The following HCRTR2 variants were observed in gnomAD, a reference collection of about 807,000 sequenced individuals.
HCRTR2 encodes hypocretin receptor 2, also known as orexin receptor type 2.
HCRTR2 carries 22 observed loss-of-function variants against 49.0 expected under a neutral mutation model. That is an observed-to-expected ratio of 0.45 (90% CI 0.32 to 0.64). HCRTR2 has a LOEUF of 0.64. HCRTR2 is among the 30% of genes least tolerant of loss of function. The probability of loss-of-function intolerance (pLI) is 0.04; values close to 1 mark genes in which losing one functional copy is unlikely to be tolerated. For synonymous variants in HCRTR2, 236 were observed against 205.3 expected, an observed-to-expected ratio of 1.15 and a Z score of -1.28; for missense variants, 491 against 559.4, an observed-to-expected ratio of 0.88 and a Z score of 1.23.
intron 4 of HCRTR2, among the ~76,000 whole-genome samples, chr6:55,268,933 A>G (rs1389070412): frequency 6.6e-6 from 1 of 151,848 alleles, no homozygotes; most frequent in Non-Finnish European, 1.5e-5. Context: ...TACTAAAGAT[A>G]CAAAAAATTA....
At chr6:55,168,653 C>A (rs1242834276) in intron 1 of HCRTR2, among the ~76,000 whole-genome samples, 2 of 152,094 alleles carry the variant, frequency 1.3e-5, no homozygotes, top group Non-Finnish European at 2.9e-5. Context: ...GCAGCCTCAA[C>A]CTCCTGAGTT....
At chr6:55,276,927 C>A (rs922502997) in intron 4 of HCRTR2, among the ~76,000 whole-genome samples, 6 of 152,168 alleles carry the variant, frequency 3.9e-5, no homozygotes, top group Non-Finnish European at 1.5e-5. Context: ...TAAGTTCTAT[C>A]TCTCTGGCAG....
At chr6:55,127,239 A>C (rs895430861) in intron 1 of HCRTR2, among the ~76,000 whole-genome samples, 1 of 152,132 alleles carries the variant, frequency 6.6e-6, no homozygotes, top group African/African-American at 2.4e-5. Flanking sequence ...GCAGGTTGTG[A>C]AAACCATGGG....
At chr6:55,234,571 T>G (rs1316126709) in intron 1 of HCRTR2, among the ~76,000 whole-genome samples, 1 of 152,136 alleles carries the variant, frequency 6.6e-6, no homozygotes, top group Non-Finnish European at 1.5e-5. Context: ...AAAACTTCTG[T>G]AAGATAATGA....
In HCRTR2 at chr6:55,280,566, ATT is replaced by A; in HGVS notation, c.1105+124_1105+125del. The A allele has an allele frequency of 5.3e-6, 7 of 1,330,612 alleles. No individual in the cohort carries two copies. The South Asian group carries it at 6.2e-5, about 12-fold the overall frequency. 82.4% of individuals were successfully genotyped at this position (1,330,612 alleles called of 1,614,324 possible). A position where few individuals can be genotyped will look rare whatever the true frequency, so the allele number is the denominator to read the frequency against. ...TGAGTTGTATTTTTTCCCTGACCTGATTTATCTTGAGTTTCTTCTCTTTTGAG... is the reference window on the plus strand; with the variant it reads ...TGAGTTGTATTTTTTCCCTGACCTGATATCTTGAGTTTCTTCTCTTTTGAG... On this transcript the variant is annotated intron_variant, in intron 6 of 6. Transcript: ENST00000370862.
intron 1 of HCRTR2, among the ~76,000 whole-genome samples, chr6:55,182,717 C>T (rs989731374): frequency 5.3e-5 from 8 of 152,122 alleles, no homozygotes; most frequent in African/African-American, 1.7e-4. Flanking sequence ...ACTTCAGTTT[C>T]GGGATAAGTT....
chr6:55,267,439 T>C (rs2127324883), intron 4 of HCRTR2, among the ~76,000 whole-genome samples: 1 of 143,708 alleles, frequency 7.0e-6, no homozygotes, highest in Non-Finnish European at 1.5e-5. Flanking sequence ...CGACTCAGAG[T>C]ACTCAGGAAA....
intron 1 of HCRTR2, among the ~76,000 whole-genome samples, chr6:55,201,535 T>G (rs1048221315): frequency 6.6e-6 from 1 of 152,172 alleles, no homozygotes; most frequent in Non-Finnish European, 1.5e-5. Flanking sequence ...AAGGGATTTT[T>G]TCTGGTGATT....
At chr6:55,130,138 A>T (rs1434105396) in intron 1 of HCRTR2, among the ~76,000 whole-genome samples, 1 of 151,918 alleles carries the variant, frequency 6.6e-6, no homozygotes, top group South Asian at 2.1e-4. Flanking sequence ...AGAGGCATTG[A>T]TCTATACTCA....
At chr6:55,188,047 G>T (rs1257838803) in intron 1 of HCRTR2, among the ~76,000 whole-genome samples, 2 of 152,154 alleles carry the variant, frequency 1.3e-5, no homozygotes, top group East Asian at 3.9e-4. Context: ...CTCCCAAAGT[G>T]CTGGGATTAC....
intron 1 of HCRTR2, among the ~76,000 whole-genome samples, chr6:55,119,454 A>G (rs527323006): frequency 4.7e-4 from 71 of 152,022 alleles, no homozygotes; most frequent in Admixed American, 2.9e-3. Context: ...TTGTTTCCTG[A>G]CTTTTTAATG....
chr6:55,141,347 A>G (rs1764505058), intron 1 of HCRTR2, among the ~76,000 whole-genome samples: 1 of 152,094 alleles, frequency 6.6e-6, no homozygotes, highest in South Asian at 2.1e-4. Flanking sequence ...CTATCTCAAA[A>G]GAAGAAAAAA....
chr6:55,215,643 T>TA (rs1469661485), intron 1 of HCRTR2, among the ~76,000 whole-genome samples: 1 of 152,158 alleles, frequency 6.6e-6, no homozygotes, highest in African/African-American at 2.4e-5. Flanking sequence ...ATACACAATG[T>TA]AAAAATATGT....
At chr6:55,153,345 A>G (rs1764687670) in intron 1 of HCRTR2, among the ~76,000 whole-genome samples, 1 of 152,046 alleles carries the variant, frequency 6.6e-6, no homozygotes, top group Non-Finnish European at 1.5e-5. Flanking sequence ...CTTACTACAC[A>G]CCTAGGCTAT....
intron 3 of HCRTR2, among the ~76,000 whole-genome samples, chr6:55,259,673 A>T (rs573123753): frequency 5.7e-4 from 86 of 151,472 alleles, no homozygotes; most frequent in African/African-American, 1.7e-3. Flanking sequence ...TATATATATA[A>T]AATTTATTTA....
chr6:55,113,883 T>C (rs1341771508), intron 1 of HCRTR2, among the ~76,000 whole-genome samples: 1 of 151,840 alleles, frequency 6.6e-6, no homozygotes, highest in Non-Finnish European at 1.5e-5. Flanking sequence ...TGCAAAAATA[T>C]GGAACCAGCC....
chr6:55,176,408 C>T lies in HCRTR2; in HGVS notation c.223+1598C>T, dbSNP rs1765040340. Among the ~76,000 whole-genome samples, 3 of 152,094 alleles carry T rather than the reference C, an allele frequency of 2.0e-5. No homozygotes were observed. In the South Asian group the frequency reaches 6.2e-4, roughly 32 times the overall value. On this transcript the variant is annotated intron_variant, in intron 1 of 6. Transcript: ENST00000370862. ...AAGCATAATTCTGTTGATAATAATC[C>T]TAATCTTGCTTTCCTTCTTCTTGTT...
chr6:55,129,431 A>T (rs1342275091), intron 1 of HCRTR2, among the ~76,000 whole-genome samples: 1 of 152,238 alleles, frequency 6.6e-6, no homozygotes, highest in African/African-American at 2.4e-5. Context: ...AGAGTTAATC[A>T]AATGAAGATG....
At chr6:55,156,099 A>G (rs925972522) in intron 1 of HCRTR2, among the ~76,000 whole-genome samples, 12 of 151,770 alleles carry the variant, frequency 7.9e-5, no homozygotes, top group African/African-American at 2.7e-4. Flanking sequence ...CACTTTCTAT[A>G]TAGTATTAAT....
Sources: allele counts gnomAD v4.1 joint callset (sites outside exome capture counted in the v4.1 genomes callset), GRCh38; gene constraint gnomAD v4.1.1; transcripts MANE v1.5; gene names NCBI Gene and HGNC (gene_info 2026-07-23, HGNC 2026-07-21).